The following TAFA1 variants were observed in gnomAD, a reference collection of about 807,000 sequenced individuals.
TAFA1 encodes TAFA chemokine like family member 1.
TAFA1 carries 4 observed loss-of-function variants against 18.5 expected under a neutral mutation model. The ratio of observed to expected loss-of-function variants is 0.22; its 90% CI spans 0.11 to 0.49. TAFA1 has a LOEUF of 0.49. TAFA1 is among the 20% of genes least tolerant of loss of function. The probability of loss-of-function intolerance (pLI) is 0.98; values close to 1 mark genes in which losing one functional copy is unlikely to be tolerated. For missense variants in TAFA1, 147 were observed against 169.0 expected (o/e 0.87, Z 0.72); for synonymous variants, 56 against 55.2 (o/e 1.01, Z -0.06).
intron 2 of TAFA1, among the ~76,000 whole-genome samples, chr3:68,387,006 G>C (rs1053655931): frequency 6.6e-6 from 1 of 151,954 alleles, no homozygotes; most frequent in Non-Finnish European, 1.5e-5. Flanking sequence ...AGTGTGCTCA[G>C]AATTTTCTTT....
At chr3:68,484,792 C>T (rs1213908427) in intron 3 of TAFA1, among the ~76,000 whole-genome samples, 1 of 152,168 alleles carries the variant, frequency 6.6e-6, no homozygotes, top group East Asian at 1.9e-4. Context: ...ACATTCTCCC[C>T]TTCTACTTAC....
At chr3:68,498,389 C>A (rs2072589884) in intron 3 of TAFA1, among the ~76,000 whole-genome samples, 1 of 146,068 alleles carries the variant, frequency 6.8e-6, no homozygotes, top group Non-Finnish European at 1.5e-5. Flanking sequence ...ACCTAGGAGG[C>A]AGGGTTATAA....
intron 2 of TAFA1, among the ~76,000 whole-genome samples, chr3:68,320,153 G>A (rs925456845): frequency 2.6e-5 from 4 of 152,126 alleles, no homozygotes; most frequent in African/African-American, 9.7e-5. Context: ...AATCCAAGTC[G>A]ATTGAGAGAT....
In TAFA1 at chr3:68,420,743, G is replaced by A. The variant is rs149539412; in HGVS notation, c.259+3323G>A. On this transcript the variant is annotated intron_variant, in intron 3 of 4. Coordinates refer to ENST00000478136, the MANE Select transcript of TAFA1 (RefSeq NM_213609.4). ...TGCCCAGGACAACCCCTGCGCCCCC[G>A]AATCCCCACAACGAAGAATTCTCGA... 1.4e-4 allele frequency among the ~76,000 whole-genome samples: 21 copies of A among 152,044 alleles called. No individual in the cohort carries two copies. In the East Asian group the frequency reaches 1.8e-3, roughly 13 times the overall value.
intron 2 of TAFA1, among the ~76,000 whole-genome samples, chr3:68,036,232 A>G (rs917047837): frequency 2.0e-5 from 3 of 152,164 alleles, no homozygotes; most frequent in African/African-American, 7.2e-5. Flanking sequence ...CGAGGTCAGC[A>G]GTTCTAGACC....
At chr3:68,388,208 G>T (rs2070146004) in intron 2 of TAFA1, among the ~76,000 whole-genome samples, 1 of 151,994 alleles carries the variant, frequency 6.6e-6, no homozygotes, top group South Asian at 2.1e-4. Context: ...GAGTTTTAGG[G>T]GACATGGCAT....
intron 2 of TAFA1, among the ~76,000 whole-genome samples, chr3:68,208,232 A>G (rs888240341): frequency 4.6e-5 from 7 of 151,892 alleles, no homozygotes; most frequent in African/African-American, 1.7e-4. Flanking sequence ...TTTTATTTCA[A>G]TAACATGCAG....
At chr3:68,440,155 C>G (rs1201414156) in intron 3 of TAFA1, among the ~76,000 whole-genome samples, 1 of 152,004 alleles carries the variant, frequency 6.6e-6, no homozygotes, top group East Asian at 1.9e-4. Context: ...GCACTGTTCT[C>G]ATGATAGTGA....
chr3:68,172,004 A>T (rs552941704), intron 2 of TAFA1, among the ~76,000 whole-genome samples: 1 of 152,306 alleles, frequency 6.6e-6, no homozygotes, highest in African/African-American at 2.4e-5. Context: ...GATTGAGTCT[A>T]GAAGGAGAGA....
chr3:68,272,938 C>T (rs904223108), intron 2 of TAFA1, among the ~76,000 whole-genome samples: 5 of 152,046 alleles, frequency 3.3e-5, no homozygotes, highest in Non-Finnish European at 7.4e-5. Flanking sequence ...TTTTATTCTA[C>T]ATGAATGAAC....
chr3:68,036,501 C>T (rs1178564512), intron 2 of TAFA1, among the ~76,000 whole-genome samples: 1 of 146,888 alleles, frequency 6.8e-6, no homozygotes, highest in African/African-American at 2.5e-5. Context: ...ATAAAATATA[C>T]AACAAAAAGA....
At chr3:68,406,422 T>G (rs753894244) in intron 2 of TAFA1, among the ~76,000 whole-genome samples, 4 of 152,208 alleles carry the variant, frequency 2.6e-5, no homozygotes, top group Non-Finnish European at 5.9e-5. Context: ...TAAACATAGC[T>G]ATTTTTCTAA....
chr3:68,012,001 T>A (rs1286854946), intron 2 of TAFA1, among the ~76,000 whole-genome samples: 1 of 152,222 alleles, frequency 6.6e-6, no homozygotes, highest in African/African-American at 2.4e-5. Flanking sequence ...ATAGATGTTA[T>A]ACCACACTGC....
At chr3:68,256,615 C>G (rs1417078307) in intron 2 of TAFA1, among the ~76,000 whole-genome samples, 3 of 152,108 alleles carry the variant, frequency 2.0e-5, no homozygotes, top group Non-Finnish European at 4.4e-5. Context: ...TTCACATAGT[C>G]TTGTACATAG....
At chr3:68,120,190 TTTCTTTC>T (rs2065376457) in intron 2 of TAFA1, among the ~76,000 whole-genome samples, 1 of 39,710 alleles carries the variant, frequency 2.5e-5, no homozygotes, top group Non-Finnish European at 5.4e-5. Context: ...TCTTTCTTTC[TTTCTTTC>T]TTTCTTTCTT....
chr3:68,037,154 G>T (rs1194827978), intron 2 of TAFA1, among the ~76,000 whole-genome samples: 1 of 152,126 alleles, frequency 6.6e-6, no homozygotes. Flanking sequence ...TTGTTTCCAG[G>T]CAGAGAAGGG....
intron 4 of TAFA1, among the ~76,000 whole-genome samples, chr3:68,540,970 C>T (rs1019601758): frequency 6.6e-6 from 1 of 152,166 alleles, no homozygotes; most frequent in African/African-American, 2.4e-5. Flanking sequence ...GACTGGAGCA[C>T]ACCATTTGCT....
intron 2 of TAFA1, among the ~76,000 whole-genome samples, chr3:68,275,627 G>C (rs139627585): frequency 5.7e-4 from 86 of 152,014 alleles, no homozygotes; most frequent in Non-Finnish European, 1.0e-3. Flanking sequence ...GTTTAGAGGA[G>C]ATAATGATGA....
chr3:68,121,044 C>T (rs79555620), intron 2 of TAFA1, among the ~76,000 whole-genome samples: 1,777 of 152,242 alleles, frequency 0.012, 40 homozygotes, highest in African/African-American at 0.041. Context: ...TGCTTACAGT[C>T]GCTTTTTGTC....
Sources: gnomAD v4.1 joint callset for allele counts (sites outside exome capture counted in the v4.1 genomes callset) on GRCh38, gnomAD v4.1.1 for gene constraint, MANE v1.5 for transcripts, NCBI Gene and HGNC (gene_info 2026-07-23, HGNC 2026-07-21) for gene names.